The following PTPRM variants were observed in gnomAD, a reference collection of about 807,000 sequenced individuals.
The protein encoded by PTPRM is protein tyrosine phosphatase receptor type M, also known as receptor-type tyrosine-protein phosphatase mu.
In PTPRM, 47 loss-of-function variants were observed where a neutral mutation model predicts 186.7. The observed-to-expected ratio is 0.25, with a 90% CI of 0.20 to 0.32. The LOEUF (loss-of-function observed/expected upper bound fraction) is 0.32. Ranked by LOEUF, PTPRM falls within the 10% of genes least tolerant of loss-of-function variation. The pLI is 1.00. For missense variants in PTPRM, 1,494 were observed against 1,865.0 expected, an observed-to-expected ratio of 0.80 and a Z score of 3.66; for synonymous variants, 668 against 674.9, an observed-to-expected ratio of 0.99 and a Z score of 0.16.
chr18:8,374,382 G>A (rs1407720932), intron 24 of PTPRM, among the ~76,000 whole-genome samples: 1 of 151,998 alleles, frequency 6.6e-6, no homozygotes, highest in African/African-American at 2.4e-5. Context: ...TTTCCCCTTT[G>A]GAATAAAGTA....
At chr18:8,117,501 C>T (rs750050820) in intron 13 of PTPRM, among the ~76,000 whole-genome samples, 6 of 152,072 alleles carry the variant, frequency 3.9e-5, no homozygotes, top group Non-Finnish European at 8.8e-5. Context: ...ATATTTCATA[C>T]TATTTATAAA....
intron 2 of PTPRM, among the ~76,000 whole-genome samples, chr18:7,799,323 TC>T: frequency 6.6e-6 from 1 of 152,266 alleles, no homozygotes; most frequent in Middle Eastern, 3.4e-3. Context: ...CCCAATCATC[TC>T]CCAAGTGCCC....
rs1032272436 is a variant in PTPRM at position 8,380,807 on chromosome 18, A to G, written c.3918+380A>G. On this transcript the variant is annotated intron_variant, in intron 29 of 32. Coordinates refer to ENST00000580170, the MANE Select transcript of PTPRM (RefSeq NM_001105244.2). ...ATGAGCAAACCAGAGGACAGTGGAG[A>G]AGGGAAGATAGCGTTTGACCCAGCC... Among the ~76,000 whole-genome samples the G allele has an allele frequency of 2.0e-5, 3 of 152,120 alleles. No individual in the cohort carries two copies. The East Asian group carries it at 5.8e-4, about 29-fold the overall frequency.
At chr18:7,902,269 G>A (rs2049733670) in intron 3 of PTPRM, among the ~76,000 whole-genome samples, 1 of 152,162 alleles carries the variant, frequency 6.6e-6, no homozygotes, top group Non-Finnish European at 1.5e-5. Flanking sequence ...AGACTGAGGG[G>A]AGCAAATAAA....
chr18:8,157,669 G>A (rs946408869), intron 14 of PTPRM, among the ~76,000 whole-genome samples: 3 of 152,216 alleles, frequency 2.0e-5, no homozygotes, highest in Non-Finnish European at 4.4e-5. Flanking sequence ...ACTCAGTCAA[G>A]TGGAGAGCCG....
chr18:8,255,175 A>T (rs2094563258), intron 19 of PTPRM, among the ~76,000 whole-genome samples: 1 of 152,262 alleles, frequency 6.6e-6, no homozygotes, highest in Non-Finnish European at 1.5e-5. Flanking sequence ...AAATTAGGTT[A>T]TTGAAAAAAT....
chr18:8,354,657 G>T (rs577394109), intron 23 of PTPRM, among the ~76,000 whole-genome samples: 1 of 152,278 alleles, frequency 6.6e-6, no homozygotes, highest in East Asian at 1.9e-4. Context: ...TTGGCCAAGG[G>T]CATAGAGCTA....
At chr18:7,896,208 A>AT (rs945717376) in intron 3 of PTPRM, among the ~76,000 whole-genome samples, 2 of 151,958 alleles carry the variant, frequency 1.3e-5, no homozygotes, top group African/African-American at 4.8e-5. Context: ...TTAGACATTG[A>AT]TTTTTTGCCA....
intron 1 of PTPRM, among the ~76,000 whole-genome samples, chr18:7,718,918 T>C (rs1486201589): frequency 6.6e-6 from 1 of 152,242 alleles, no homozygotes; most frequent in African/African-American, 2.4e-5. Flanking sequence ...ATGGTTGTGA[T>C]GAAAAGGGAA....
intron 14 of PTPRM, among the ~76,000 whole-genome samples, chr18:8,145,783 C>T (rs1026443096): frequency 5.9e-5 from 9 of 152,242 alleles, no homozygotes; most frequent in Middle Eastern, 3.4e-3. Flanking sequence ...AATAGTGCCA[C>T]GATAAACATA....
At chr18:7,701,586 G>C (rs1393298538) in intron 1 of PTPRM, among the ~76,000 whole-genome samples, 1 of 152,038 alleles carries the variant, frequency 6.6e-6, no homozygotes, top group African/African-American at 2.4e-5. Flanking sequence ...GTGACAGAGG[G>C]AGACTCGTCT....
At chr18:7,869,696 G>A (rs767701850) in intron 2 of PTPRM, among the ~76,000 whole-genome samples, 10 of 152,316 alleles carry the variant, frequency 6.6e-5, no homozygotes, top group Admixed American at 2.0e-4. Context: ...CCCAAGGAAA[G>A]CAATGATCTT....
chr18:7,573,971 C>T (rs1213257541), intron 1 of PTPRM, among the ~76,000 whole-genome samples: 2 of 152,208 alleles, frequency 1.3e-5, no homozygotes. Context: ...TTGCAACCCT[C>T]TGACCCTGAA....
At chr18:8,351,965 T>C (rs1049952389) in intron 23 of PTPRM, among the ~76,000 whole-genome samples, 1 of 152,228 alleles carries the variant, frequency 6.6e-6, no homozygotes, top group African/African-American at 2.4e-5. Context: ...TTCCCCTCTG[T>C]AAAAAGTTCA....
At chr18:7,781,361 A>T (rs2042845309) in intron 2 of PTPRM, among the ~76,000 whole-genome samples, 1 of 152,234 alleles carries the variant, frequency 6.6e-6, no homozygotes, top group South Asian at 2.1e-4. Flanking sequence ...AGATATTTAG[A>T]TGCAGCAGTG....
At chr18:7,834,506 A>ACATACACACACACACACACACC (rs2045933468) in intron 2 of PTPRM, among the ~76,000 whole-genome samples, 1 of 144,472 alleles carries the variant, frequency 6.9e-6, no homozygotes. Context: ...ACACACACAC[A>ACATACACACACACACACACACC]CACACACACA....
chr18:7,683,498 A>G (rs1429329030), intron 1 of PTPRM, among the ~76,000 whole-genome samples: 2 of 152,074 alleles, frequency 1.3e-5, no homozygotes, highest in African/African-American at 4.8e-5. Flanking sequence ...AACTGTAACC[A>G]TCCTTTCCTT....
chr18:8,288,338 C>G, intron 19 of PTPRM, among the ~76,000 whole-genome samples: 1 of 152,154 alleles, frequency 6.6e-6, no homozygotes, highest in Non-Finnish European at 1.5e-5. Context: ...CACCCAGCCT[C>G]GAGAAGACAT....
chr18:7,950,333 G>A (rs572517069), intron 6 of PTPRM, among the ~76,000 whole-genome samples: 8 of 152,310 alleles, frequency 5.3e-5, no homozygotes, highest in African/African-American at 1.9e-4. Context: ...GAGTCCAGGA[G>A]TTCTAGGCTG....
Sources: allele counts gnomAD v4.1 joint callset (sites outside exome capture counted in the v4.1 genomes callset), GRCh38; gene constraint gnomAD v4.1.1; transcripts MANE v1.5; gene names NCBI Gene and HGNC (gene_info 2026-07-23, HGNC 2026-07-21).